EXT1: variants seen among roughly 807,000 people sequenced by gnomAD.
The protein encoded by EXT1 is exostosin-1.
EXT1 carries 20 observed loss-of-function variants against 82.5 expected under a neutral mutation model. That is an observed-to-expected ratio of 0.24 (90% CI 0.17 to 0.35). The LOEUF is 0.35. Ranked by LOEUF, EXT1 falls within the 10% of genes least tolerant of loss-of-function variation. The probability of loss-of-function intolerance (pLI) is 1.00; values close to 1 mark genes in which losing one functional copy is unlikely to be tolerated. For missense variants in EXT1, 757 were observed against 936.5 expected, an observed-to-expected ratio of 0.81 and a Z score of 2.50; for synonymous variants, 348 against 350.8, an observed-to-expected ratio of 0.99 and a Z score of 0.09.
intron 1 of EXT1, among the ~76,000 whole-genome samples, chr8:117,872,093 C>T (rs529962365): frequency 6.8e-6 from 1 of 146,634 alleles, no homozygotes; most frequent in Non-Finnish European, 1.5e-5. Context: ...TGAGCTATAT[C>T]ACACCACTAC....
chr8:117,800,285 T>TA (rs1362677040), intron 10 of EXT1, among the ~76,000 whole-genome samples: 1 of 152,236 alleles, frequency 6.6e-6, no homozygotes, highest in Non-Finnish European at 1.5e-5. Context: ...AAGAGTTTTC[T>TA]AAATCCTTCC....
intron 1 of EXT1, among the ~76,000 whole-genome samples, chr8:117,936,129 AT>A (rs899142476): frequency 2.6e-5 from 4 of 152,194 alleles, no homozygotes; most frequent in Non-Finnish European, 1.5e-5. Context: ...TTCCACTGAA[AT>A]TTGTGCAAAG....
intron 1 of EXT1, among the ~76,000 whole-genome samples, chr8:117,887,823 C>T (rs1325726968): frequency 1.3e-5 from 2 of 151,878 alleles, no homozygotes; most frequent in East Asian, 1.9e-4. Flanking sequence ...CGGTGACTCA[C>T]GCCTGTAATC....
intron 1 of EXT1, among the ~76,000 whole-genome samples, chr8:117,918,878 T>C (rs1813802743): frequency 6.6e-6 from 1 of 152,142 alleles, no homozygotes; most frequent in African/African-American, 2.4e-5. Context: ...TCCACTGACA[T>C]GATGTGTTAG....
chr8:118,003,038 C>G (rs575286311), intron 1 of EXT1, among the ~76,000 whole-genome samples: 1 of 152,110 alleles, frequency 6.6e-6, no homozygotes, highest in Admixed American at 6.5e-5. Flanking sequence ...TATATATACA[C>G]ACACATATAC....
intron 1 of EXT1, among the ~76,000 whole-genome samples, chr8:117,931,788 G>C (rs987881712): frequency 5.3e-5 from 8 of 152,126 alleles, no homozygotes; most frequent in Admixed American, 3.3e-4. Flanking sequence ...GGACATCATA[G>C]CCTTAAAAGT....
chr8:117,957,171 G>A (rs1814604833), intron 1 of EXT1, among the ~76,000 whole-genome samples: 1 of 152,196 alleles, frequency 6.6e-6, no homozygotes, highest in African/African-American at 2.4e-5. Context: ...AAAGTGCAGA[G>A]AAACCACAGC....
intron 1 of EXT1, among the ~76,000 whole-genome samples, chr8:117,963,466 T>C (rs1277329819): frequency 6.6e-6 from 1 of 152,112 alleles, no homozygotes; most frequent in Non-Finnish European, 1.5e-5. Context: ...TCGAGTTTTG[T>C]TGTGGTGGTG....
At position 117,946,993 on chromosome 8, in the gene EXT1, AC is replaced by A. The variant is rs529962557; in HGVS notation, c.963-109793del. Reference sequence around the variant, plus strand: ...CGGATTTTTGAGGAGTATATGGGTTACCCGAGCCAAGAATTATTATAAAGGA... The same window carrying A: ...CGGATTTTTGAGGAGTATATGGGTTACCGAGCCAAGAATTATTATAAAGGA... On this transcript the variant is annotated intron_variant, in intron 1 of 10. Coordinates refer to ENST00000378204, the MANE Select transcript of EXT1 (RefSeq NM_000127.3). Among the ~76,000 whole-genome samples the A allele has an allele frequency of 2.9e-3, 448 of 152,240 alleles. 1 individual carries two copies. Among genetic ancestry groups the A allele is most frequent in the Middle Eastern group, 6.8e-3 (2 of 294 alleles).
Position 117,804,808 on chromosome 8 carries a change from T to A in EXT1, c.1969A>T (p.Met657Leu). 6.2e-7 allele frequency: 1 copy of A among 1,614,170 alleles called. No homozygotes were observed. Among genetic ancestry groups the A allele is most frequent in the African/African-American group, 1.3e-5 (1 of 75,048 alleles). Residue 657 changes from methionine to leucine, a missense_variant, in exon 10 of 11, where the codon ATG becomes TTG. By Grantham distance (15) the Met-to-Leu change is conservative. Coordinates refer to ENST00000378204, the MANE Select transcript of EXT1 (RefSeq NM_000127.3). ...GTCACAGCAGACACCAGGAAGTTCA[T>A]GAGAATGTCCTCACAATTGGCCAAT... The part of the protein sequence containing the change: ...DQLANCEDIL[M>L]NFLVSAVTKL...
intron 1 of EXT1, among the ~76,000 whole-genome samples, chr8:118,041,669 GGA>G: frequency 1.3e-5 from 1 of 74,190 alleles, no homozygotes; most frequent in African/African-American, 5.1e-5. Flanking sequence ...AGAGAAAGAA[GGA>G]AGGAAGGAAG....
intron 3 of EXT1, among the ~76,000 whole-genome samples, chr8:117,832,007 A>C (rs1812108098): frequency 6.6e-6 from 1 of 152,242 alleles, no homozygotes; most frequent in African/African-American, 2.4e-5. Flanking sequence ...ATTCTTTGAG[A>C]AGGTAGACAA....
intron 1 of EXT1, among the ~76,000 whole-genome samples, chr8:118,035,463 C>T (rs1012483600): frequency 6.6e-6 from 1 of 151,808 alleles, no homozygotes; most frequent in African/African-American, 2.4e-5. Flanking sequence ...AACTAGGATG[C>T]AATCCTTGTC....
In EXT1 at chr8:117,796,044, G is replaced by T. The variant is rs1586985588; in HGVS notation, c.*3668C>A. On this transcript the variant is annotated 3_prime_UTR_variant, in exon 11 of 11. Transcript: ENST00000378204. ...TGAAAGGTTCTTGTCCATAGTCGCT[G>T]TAAAGGGGAACTAGGTAAATGAATT... 6.6e-6 allele frequency: 1 copy of T among 152,184 alleles called. No individual in the cohort carries two copies. The highest frequency in any genetic ancestry group is 2.4e-5 in the African/African-American group (1 of 41,452). 9.4% of individuals were successfully genotyped at this position (152,184 alleles called of 1,614,324 possible).
At chr8:118,035,215 C>T (rs1404026422) in intron 1 of EXT1, among the ~76,000 whole-genome samples, 1 of 152,144 alleles carries the variant, frequency 6.6e-6, no homozygotes, top group Non-Finnish European at 1.5e-5. Context: ...GGCTGTCCTA[C>T]TCAATGTGGT....
chr8:117,969,704 C>G (rs113710399), intron 1 of EXT1, among the ~76,000 whole-genome samples: 1 of 152,100 alleles, frequency 6.6e-6, no homozygotes, highest in Non-Finnish European at 1.5e-5. Context: ...TGCGCGCGCA[C>G]GCGTGTATGT....
chr8:117,829,569 CTTTTTTTTTTTT>C (rs35823668), intron 4 of EXT1, among the ~76,000 whole-genome samples: 5 of 96,876 alleles, frequency 5.2e-5, no homozygotes, highest in Non-Finnish European at 1.1e-4. Context: ...ATATATTTTT[CTTTTTTTTTTTT>C]TTTTTTTTTG....
At chr8:117,903,215 A>C (rs1482097014) in intron 1 of EXT1, among the ~76,000 whole-genome samples, 1 of 152,212 alleles carries the variant, frequency 6.6e-6, no homozygotes, top group Non-Finnish European at 1.5e-5. Context: ...TTGAAGGTTC[A>C]AACTAAGAAG....
chr8:118,054,750 C>G (rs918500076), intron 1 of EXT1, among the ~76,000 whole-genome samples: 1 of 152,176 alleles, frequency 6.6e-6, no homozygotes, highest in Non-Finnish European at 1.5e-5. Context: ...CTACCAGGCA[C>G]AGTTAAGCTC....
Sources: gnomAD v4.1 joint callset for allele counts (sites outside exome capture counted in the v4.1 genomes callset) on GRCh38, gnomAD v4.1.1 for gene constraint, MANE v1.5 for transcripts, NCBI Gene and HGNC (gene_info 2026-07-23, HGNC 2026-07-21) for gene names.